The following NTN1 variants were observed in gnomAD, a reference collection of about 807,000 sequenced individuals.
NTN1 encodes the protein netrin-1.
A neutral mutation model predicts 54.2 loss-of-function variants in NTN1; 11 were observed. That is an observed-to-expected ratio of 0.20 (90% confidence interval 0.13 to 0.34). The LOEUF is 0.34. NTN1 is among the 10% of genes least tolerant of loss of function. The pLI is 1.00. For synonymous variants in NTN1, 371 were observed against 382.0 expected (o/e 0.97, Z 0.33); for missense variants, 740 against 893.1 (o/e 0.83, Z 2.18).
intron 2 of NTN1, among the ~76,000 whole-genome samples, chr17:9,036,457 G>A (rs1018824454): frequency 1.4e-5 from 2 of 141,200 alleles, no homozygotes; most frequent in Non-Finnish European, 3.0e-5. Flanking sequence ...GCACAGTGGT[G>A]CAATCACGTC....
rs1462536922 is a variant in NTN1, at chr17:9,165,778, A to T, written c.1207+2777A>T. Among the ~76,000 whole-genome samples the T allele has an allele frequency of 6.6e-6, 1 of 152,200 alleles. No homozygotes were observed. Among genetic ancestry groups the T allele is most frequent in the Non-Finnish European group, 1.5e-5 (1 of 68,034 alleles). ...TGGTGACAGAAGACTACACTTAAAA[A>T]TATTTGCCACCTGATTGGTGAGGAA... On this transcript the variant is annotated intron_variant, in intron 3 of 6. Transcript: ENST00000173229. This position sits in a 1 kb window ranked among gnomAD's most constrained non-coding sequence, Gnocchi z 4.5.
At chr17:9,235,468 G>A (rs905307902) in intron 6 of NTN1, among the ~76,000 whole-genome samples, 3 of 89,042 alleles carry the variant, frequency 3.4e-5, no homozygotes, top group Non-Finnish European at 1.1e-4. Context: ...GCTAAGGGCC[G>A]AGGCTAATTA....
chr17:9,210,315 A>G (rs1470661603), intron 5 of NTN1, among the ~76,000 whole-genome samples: 1 of 152,044 alleles, frequency 6.6e-6, no homozygotes, highest in Non-Finnish European at 1.5e-5. Flanking sequence ...AGCTGTCTAC[A>G]GCCACCCTGG....
At chr17:9,057,515 C>A (rs1457276044) in intron 2 of NTN1, among the ~76,000 whole-genome samples, 1 of 152,130 alleles carries the variant, frequency 6.6e-6, no homozygotes, top group East Asian at 1.9e-4. Flanking sequence ...TGGTGACCTC[C>A]TTTTCACTCT....
intron 6 of NTN1, among the ~76,000 whole-genome samples, chr17:9,233,549 A>G (rs1203867974): frequency 6.6e-6 from 1 of 151,922 alleles, no homozygotes; most frequent in South Asian, 2.1e-4. Flanking sequence ...CTCACAGGCT[A>G]TGGTGGCTCC....
rs982881230 is a variant in NTN1 at position 9,243,588 on chromosome 17, G to A, written c.*3620G>A. 2.6e-5 allele frequency: 4 copies of A among 152,170 alleles called. No homozygotes were observed. Among genetic ancestry groups the A allele is most frequent in the African/African-American group, 9.7e-5 (4 of 41,420 alleles). 9.4% of individuals were successfully genotyped at this position (152,170 alleles called of 1,614,324 possible). ...TTCCTGTGGGCCATGGCACACCGGG[G>A]GGGATCAAAATGTGTACTTGTGGGG... is the stretch of plus-strand genomic sequence containing the variant. On this transcript the variant is annotated 3_prime_UTR_variant, in exon 7 of 7. Transcript: ENST00000173229.
At chr17:9,116,523 C>G (rs79959309) in intron 2 of NTN1, among the ~76,000 whole-genome samples, 2,797 of 152,318 alleles carry the variant, frequency 0.018, 83 homozygotes, top group African/African-American at 0.064. Context: ...CCCCACATCT[C>G]TCTGATTTCC....
intron 2 of NTN1, among the ~76,000 whole-genome samples, chr17:9,040,934 CT>C (rs2091919309): frequency 6.6e-6 from 1 of 152,084 alleles, no homozygotes; most frequent in Non-Finnish European, 1.5e-5. Context: ...ACCTCACACT[CT>C]TGAGTAGCTG....
chr17:9,193,920 T>TA (rs71361871), intron 5 of NTN1, among the ~76,000 whole-genome samples: 35 of 44,900 alleles, frequency 7.8e-4, no homozygotes, highest in African/African-American at 1.7e-3. Flanking sequence ...AAACTCCGAC[T>TA]AAAAAAAAAA....
At chr17:9,177,873 C>T (rs2092405084) in intron 3 of NTN1, 1 of 152,240 alleles carries the variant, frequency 6.6e-6, no homozygotes, top group Admixed American at 6.5e-5. Context: ...ATTTAGGGTA[C>T]ATCTAAGAAG....
the NTN1 span, among the ~76,000 whole-genome samples, chr17:9,015,432 C>T: frequency 6.6e-6 from 1 of 152,062 alleles, no homozygotes; most frequent in Non-Finnish European, 1.5e-5. Context: ...ATAATAAATA[C>T]AATTAAAAAA....
At chr17:9,166,149 TCCACCACCACCACCACCA>T (rs60014697) in intron 3 of NTN1, among the ~76,000 whole-genome samples, 11,716 of 111,386 alleles carry the variant, frequency 0.11, 856 homozygotes, top group African/African-American at 0.17. Flanking sequence ...TCAACCCCCT[TCCACCACCACCACCACCA>T]CCACCACCAC....
intron 2 of NTN1, among the ~76,000 whole-genome samples, chr17:9,026,059 A>G (rs72809924): frequency 0.26 from 39,070 of 152,062 alleles, 5,271 homozygotes; most frequent in East Asian, 0.52. Flanking sequence ...TGAGCCTATT[A>G]CTGTGCTGTT....
At chr17:9,096,387 T>TAAA in intron 2 of NTN1, among the ~76,000 whole-genome samples, 1 of 144,810 alleles carries the variant, frequency 6.9e-6, no homozygotes, top group African/African-American at 2.6e-5. Flanking sequence ...TTTTTTTTTT[T>TAAA]TGAGATGGAG....
intron 2 of NTN1, among the ~76,000 whole-genome samples, chr17:9,104,088 C>CAAA (rs55732200): frequency 0.037 from 2,586 of 70,572 alleles, 260 homozygotes; most frequent in Middle Eastern, 0.071. Context: ...GACTCCATCT[C>CAAA]AAAAAAAAAA....
Position 9,240,741 on chromosome 17 carries a change from C to T in NTN1, c.*773C>T. ...TGCTGCTGCCTGTCTCTGCCCCTGC[C>T]CCTGCCCCTGCCCAGCGTGGGGCTG... On this transcript the variant is annotated 3_prime_UTR_variant, in exon 7 of 7. Transcript: ENST00000173229. 1 of 114,586 alleles carries T rather than the reference C, an allele frequency of 8.7e-6. No homozygotes were observed. The highest frequency in any genetic ancestry group is 2.1e-5 in the Non-Finnish European group (1 of 47,744). 7.1% of individuals were successfully genotyped at this position (114,586 alleles called of 1,614,324 possible).
At chr17:9,091,445 AC>A (rs1008525074) in intron 2 of NTN1, among the ~76,000 whole-genome samples, 21 of 101,612 alleles carry the variant, frequency 2.1e-4, no homozygotes, top group African/African-American at 7.9e-4. Flanking sequence ...CCTACGTTTA[AC>A]CCCCCGCCTT....
chr17:9,171,582 G>A (rs1241903236), intron 3 of NTN1: 1 of 152,338 alleles, frequency 6.6e-6, no homozygotes, highest in African/African-American at 2.4e-5. Context: ...GAAGGAGAGA[G>A]TAACTGGGCA....
chr17:9,213,254 C>G (rs1231437628), intron 5 of NTN1, among the ~76,000 whole-genome samples: 1 of 152,254 alleles, frequency 6.6e-6, no homozygotes, highest in African/African-American at 2.4e-5. Flanking sequence ...AGTAGGGGGC[C>G]AGGCAGTGCC....
Sources: allele counts gnomAD v4.1 joint callset (sites outside exome capture counted in the v4.1 genomes callset), GRCh38; gene constraint gnomAD v4.1.1; non-coding constraint Gnocchi (gnomAD v3.1); transcripts MANE v1.5; gene names NCBI Gene and HGNC (gene_info 2026-07-23, HGNC 2026-07-21).